Variants in TRPM2 observed in about 807,000 individuals in gnomAD.
The protein encoded by TRPM2 is transient receptor potential cation channel subfamily M member 2.
TRPM2 carries 161 observed loss-of-function variants against 174.0 expected under a neutral mutation model. That is an observed-to-expected ratio of 0.93 (90% CI 0.81 to 1.05). The LOEUF (loss-of-function observed/expected upper bound fraction) is 1.05. Among genes scored for constraint, TRPM2 ranks in the 50% least tolerant of loss-of-function variants. The pLI is 0.00. For synonymous variants in TRPM2, 954 were observed against 861.3 expected (o/e 1.11, Z -1.88); for missense variants, 2,057 against 2,038.0 (o/e 1.01, Z -0.18).
Position 44,397,731 on chromosome 21 carries a change from C to A in TRPM2, c.1933-16C>A. The A allele has an allele frequency of 1.3e-6, 2 of 1,554,536 alleles. No individual in the cohort carries two copies. The highest frequency in any genetic ancestry group is 1.2e-5 in the South Asian group (1 of 81,566). ...GCCTGGCTCTTTAGTCTCACGGTGG[C>A]TCCTCTGGTCCCCAGAGCCAGGACT... is the stretch of plus-strand genomic sequence containing the variant. On this transcript the variant is annotated splice_polypyrimidine_tract_variant and intron_variant, in intron 12 of 31. Transcript: ENST00000397928.
intron 20 of TRPM2, chr21:44,415,414 G>A (rs2050247238): frequency 6.6e-6 from 1 of 152,290 alleles, no homozygotes; most frequent in African/African-American, 2.4e-5. Context: ...GAAGGAATGT[G>A]ACGGTGGCAG....
rs188738241 is a variant in TRPM2 at position 44,388,024 on chromosome 21, C to T, written c.1319-2880C>T. Among the ~76,000 whole-genome samples, 6 of 152,260 alleles carry T rather than the reference C, an allele frequency of 3.9e-5. No homozygotes were observed. In the East Asian group the frequency reaches 1.2e-3, roughly 29 times the overall value. On this transcript the variant is annotated intron_variant, in intron 9 of 31. Transcript: ENST00000397928. Reference sequence around the variant, plus strand: ...TTAAAAATACAATTCCTATATGATCCAGCTATTCCACTCCTCAGATACATA... The same window carrying T: ...TTAAAAATACAATTCCTATATGATCTAGCTATTCCACTCCTCAGATACATA...
intron 2 of TRPM2, among the ~76,000 whole-genome samples, chr21:44,362,444 G>A (rs560778863): frequency 6.6e-5 from 10 of 151,336 alleles, no homozygotes; most frequent in Admixed American, 3.3e-4. Context: ...CCTGGGAGGC[G>A]GAGCTTGCAG....
chr21:44,381,940 TGATA>T (rs1014256529), intron 8 of TRPM2, among the ~76,000 whole-genome samples: 1 of 131,200 alleles, frequency 7.6e-6, no homozygotes, highest in African/African-American at 2.9e-5. Context: ...TGAATTGATA[TGATA>T]GATAGATGGA....
intron 16 of TRPM2, among the ~76,000 whole-genome samples, chr21:44,403,465 C>CACACATGCACACACATGCAT (rs1475207277): frequency 6.6e-6 from 1 of 152,156 alleles, no homozygotes; most frequent in Non-Finnish European, 1.5e-5. Context: ...CCAACACACA[C>CACACATGCACACACATGCAT]ACACATGCAC....
chr21:44,364,166 A>C lies in TRPM2; in HGVS notation c.307A>C (p.Thr103Pro), dbSNP rs766616550. Reference protein sequence around the residue: ...YTHEQHLEEATKPHTFQGTQW... With the variant: ...YTHEQHLEEAPKPHTFQGTQW... ...GCATGAGCAGCACTTGGAGGAGGCTACCAAGCCCCACACCTTCCAGGGCAC... is the reference window on the plus strand; with the variant it reads ...GCATGAGCAGCACTTGGAGGAGGCTCCCAAGCCCCACACCTTCCAGGGCAC... The change falls in exon 3 of 32, where the codon ACC becomes CCC. Residue 103 changes from threonine (T) to proline (P), a missense_variant. Thr to Pro is a conservative substitution (Grantham distance 38). Coordinates refer to ENST00000397928, the MANE Select transcript of TRPM2 (RefSeq NM_003307.4). 3 of 1,614,170 alleles carry C rather than the reference A, an allele frequency of 1.9e-6. No homozygotes were observed. Among genetic ancestry groups the C allele is most frequent in the Non-Finnish European group, 2.5e-6 (3 of 1,180,030 alleles).
Position 44,402,697 on chromosome 21 carries a change from T to A in TRPM2, c.2538+800T>A, listed in dbSNP as rs1020089171. On this transcript the variant is annotated intron_variant, in intron 16 of 31. Coordinates refer to ENST00000397928, the MANE Select transcript of TRPM2 (RefSeq NM_003307.4). ...TCCAAGGGCTCAGAGGCTATCTCCC[T>A]GGAGCTGGGCGAGGCCAAGCTGCCC... Among the ~76,000 whole-genome samples the A allele has an allele frequency of 3.9e-5, 6 of 152,152 alleles. 1 individual carries two copies. The highest frequency in any genetic ancestry group is 2.0e-4 in the Admixed American group (3 of 15,268).
At chr21:44,385,459 C>A (rs2048993214) in intron 9 of TRPM2, among the ~76,000 whole-genome samples, 1 of 152,182 alleles carries the variant, frequency 6.6e-6, no homozygotes, top group Admixed American at 6.5e-5. Context: ...CAAATGAAAT[C>A]TTTTCCTCCA....
Position 44,418,557 on chromosome 21 carries a change from T to C in TRPM2, c.3461+2T>C. 6.2e-7 allele frequency: 1 copy of C among 1,613,616 alleles called. No individual in the cohort carries two copies. The highest frequency in any genetic ancestry group is 8.5e-7 in the Non-Finnish European group (1 of 1,179,810). On this transcript the variant is annotated splice_donor_variant, in intron 22 of 31. Transcript: ENST00000397928. LOFTEE classifies it high-confidence loss of function. The stretch of plus-strand genomic sequence containing the variant: ...GAAGATCGAGGACATCAGCAATAAG[T>C]ATGGGGGCTCCGGTGGGCCTGGGGG...
In TRPM2 at chr21:44,377,719, C is replaced by T. The variant is rs2048747858; in HGVS notation, c.960C>T (p.Ala320=). The T allele has an allele frequency of 6.2e-6, 10 of 1,614,146 alleles. No individual in the cohort carries two copies. Among genetic ancestry groups the T allele is most frequent in the Non-Finnish European group, 8.5e-6 (10 of 1,180,032 alleles). The change falls in exon 7 of 32, where the codon GCC becomes GCT. Residue 320 remains alanine (A), a synonymous_variant. Transcript: ENST00000397928. ...SEQTKERGGV[A]IKIPIVCVVL... is the part of the protein sequence containing the mutation. Reference sequence around the variant, plus strand: ...GCTGTGTGCTTTTTCTAGGTGTGGCCATCAAGATCCCCATCGTGTGCGTGG... The same window carrying T: ...GCTGTGTGCTTTTTCTAGGTGTGGCTATCAAGATCCCCATCGTGTGCGTGG...
Position 44,418,543 on chromosome 21 carries a change from A to T in TRPM2, c.3449A>T (p.Asp1150Val), listed in dbSNP as rs2050398169. Residue 1150 changes from aspartate to valine, a missense_variant, in exon 22 of 32, where the codon GAC becomes GTC. Transcript: ENST00000397928. ...CAGCGGCCCGAGCAGAAGATCGAGGACATCAGCAATAAGTATGGGGGCTCC... is the reference window on the plus strand; with the variant it reads ...CAGCGGCCCGAGCAGAAGATCGAGGTCATCAGCAATAAGTATGGGGGCTCC... The part of the protein sequence containing the change: ...QKQRPEQKIE[D>V]ISNKVDAMVD... The T allele has an allele frequency of 6.2e-7, 1 of 1,614,108 alleles. No homozygotes were observed. Among genetic ancestry groups the T allele is most frequent in the African/African-American group, 1.3e-5 (1 of 75,076 alleles).
intron 19 of TRPM2, among the ~76,000 whole-genome samples, chr21:44,407,010 T>G (rs2049912342): frequency 6.7e-6 from 1 of 149,464 alleles, no homozygotes; most frequent in Admixed American, 6.7e-5. Flanking sequence ...GAGGTCAGAG[T>G]GGGCCGAGGG....
At chr21:44,377,859 C>A in intron 7 of TRPM2, 86 bp downstream of exon 7, 1 of 1,475,906 alleles carries the variant, frequency 6.8e-7, no homozygotes, top group Non-Finnish European at 9.3e-7. Flanking sequence ...TCTCAGAACT[C>A]AAGACTGTTG....
intron 19 of TRPM2, among the ~76,000 whole-genome samples, chr21:44,413,281 C>T (rs1258654953): frequency 1.3e-5 from 2 of 148,632 alleles, no homozygotes; most frequent in African/African-American, 2.5e-5. Flanking sequence ...TCTTGTTGCC[C>T]AGGCTGGAGT....
rs982044224 is a variant in TRPM2 at position 44,376,077 on chromosome 21, G to T, written c.952+64G>T. The T allele has an allele frequency of 1.9e-6, 3 of 1,563,876 alleles. No individual in the cohort carries two copies. The highest frequency in any genetic ancestry group is 2.6e-6 in the Non-Finnish European group (3 of 1,148,950). On this transcript the variant is annotated intron_variant, in intron 6 of 31. Transcript: ENST00000397928. The surrounding 1 kb of genome is among the most constrained non-coding windows in gnomAD (Gnocchi z 4.2). ...CACAGTGGGCTGGTCAGAGTGTCAG[G>T]TACAGCTGGTCACGACCAGGACGTT...
At chr21:44,362,453 A>C (rs987464407) in intron 2 of TRPM2, among the ~76,000 whole-genome samples, 2 of 150,896 alleles carry the variant, frequency 1.3e-5, no homozygotes, top group African/African-American at 4.9e-5. Context: ...CGGAGCTTGC[A>C]GTGAGCAAAG....
intron 20 of TRPM2, among the ~76,000 whole-genome samples, chr21:44,417,033 C>T (rs571397088): frequency 5.4e-5 from 6 of 110,270 alleles, no homozygotes; most frequent in African/African-American, 1.1e-4. Flanking sequence ...ACAGTGGGCA[C>T]GTGGGCATGG....
chr21:44,360,807 T>G (rs530103940), intron 2 of TRPM2, among the ~76,000 whole-genome samples: 1 of 152,096 alleles, frequency 6.6e-6, no homozygotes, highest in African/African-American at 2.4e-5. Flanking sequence ...CCTCAACTGA[T>G]CTGCCTGCCT....
At chr21:44,426,762 C>T (rs2050798975) in intron 26 of TRPM2, 26 bp downstream of exon 26, 1 of 1,612,028 alleles carries the variant, frequency 6.2e-7, no homozygotes, top group African/African-American at 1.3e-5. Flanking sequence ...TGTCCGTGCT[C>T]CCAGCTGGCC....
Sources: gnomAD v4.1 joint callset for allele counts (sites outside exome capture counted in the v4.1 genomes callset) on GRCh38, gnomAD v4.1.1 for gene constraint, Gnocchi (gnomAD v3.1) non-coding constraint, MANE v1.5 for transcripts, NCBI Gene and HGNC (gene_info 2026-07-23, HGNC 2026-07-21) for gene names.